Variants in NLRC4 observed in about 807,000 individuals in gnomAD.
The protein encoded by NLRC4 is NLR family CARD domain-containing protein 4.
Under a neutral mutation model 79.9 loss-of-function variants are expected in NLRC4, and 63 were observed. That is an observed-to-expected ratio of 0.79 (90% CI 0.64 to 0.97). The LOEUF is 0.97. Ranked by LOEUF, NLRC4 falls within the 50% of genes least tolerant of loss-of-function variation. NLRC4 has a pLI of 0.00. For missense variants in NLRC4, 1,074 were observed against 1,215.2 expected (o/e 0.88, Z 1.73); for synonymous variants, 461 against 456.5 (o/e 1.01, Z -0.12).
chr2:32,247,579 ATT>A (rs949113455), intron 4 of NLRC4, among the ~76,000 whole-genome samples: 1 of 151,522 alleles, frequency 6.6e-6, no homozygotes, highest in Non-Finnish European at 1.5e-5. Context: ...CTTCCAATAT[ATT>A]TTTTAATAAA....
chr2:32,249,460 G>T, intron 4 of NLRC4, 147 bp downstream of exon 4: 1 of 677,400 alleles, frequency 1.5e-6, no homozygotes, highest in Non-Finnish European at 2.5e-6. Flanking sequence ...GGTCTTGGTT[G>T]GAGGCATGTT....
intron 4 of NLRC4, among the ~76,000 whole-genome samples, chr2:32,248,854 A>G (rs1687000218): frequency 6.6e-6 from 1 of 152,174 alleles, no homozygotes. Context: ...ATTGGTCTCA[A>G]GATAAGCAAT....
chr2:32,260,237 CG>C (rs1266740466), intron 1 of NLRC4, among the ~76,000 whole-genome samples: 2 of 124,152 alleles, frequency 1.6e-5, no homozygotes, highest in Admixed American at 8.0e-5. Flanking sequence ...AAAAAAACAA[CG>C]AAAAAAAAAA....
chr2:32,226,697 A>C (rs1686408683), intron 8 of NLRC4, among the ~76,000 whole-genome samples: 1 of 152,194 alleles, frequency 6.6e-6, no homozygotes, highest in Non-Finnish European at 1.5e-5. Context: ...CCTGACCAAC[A>C]TGGAGAAACC....
chr2:32,236,650 A>C (rs982649886), intron 6 of NLRC4, among the ~76,000 whole-genome samples: 5 of 152,160 alleles, frequency 3.3e-5, no homozygotes, highest in Non-Finnish European at 7.4e-5. Context: ...TGGTCTCTCT[A>C]AGCCTCAATG....
upstream of NLRC4, among the ~76,000 whole-genome samples, chr2:32,265,058 A>C (rs75991814): frequency 6.1e-3 from 923 of 152,248 alleles, 11 homozygotes; most frequent in African/African-American, 0.021. Context: ...CAAGAAAGGA[A>C]TTACTCATTT....
chr2:32,235,046 C>G (rs2148933462), intron 8 of NLRC4, among the ~76,000 whole-genome samples: 1 of 152,226 alleles, frequency 6.6e-6, no homozygotes, highest in Non-Finnish European at 1.5e-5. Flanking sequence ...CTACATTCGC[C>G]TTTATATGTT....
In NLRC4 at chr2:32,241,099, A is replaced by G. The variant is rs370528490; in HGVS notation, c.2284T>C (p.Leu762=). The change falls in exon 5 of 9, where the codon TTG becomes CTG. Residue 762 remains leucine (L), a synonymous_variant. Coordinates refer to ENST00000402280, the MANE Select transcript of NLRC4 (RefSeq NM_001199138.2). The part of the protein sequence containing the change: ...PGGLTDSLGN[L]KNLTKLIMDN... Reference sequence around the variant, plus strand: ...ATTATGAGCTTTGTAAGGTTCTTCAAGTTACCCAAGCTGTCAGTCAGACCA... The same window carrying G: ...ATTATGAGCTTTGTAAGGTTCTTCAGGTTACCCAAGCTGTCAGTCAGACCA... 1.7e-5 allele frequency: 27 copies of G among 1,608,838 alleles called. No individual in the cohort carries two copies. Among genetic ancestry groups the G allele is most frequent in the African/African-American group, 2.7e-5 (2 of 74,682 alleles).
rs747331080 is a variant in NLRC4, at chr2:32,238,179, A to C, written c.2474T>G (p.Ile825Ser). ...AGACAAGCAGCAGGAGACTAATTGA[A>C]TTTCTTCAAGGTCACAGGGTTCACT... ...LSSEPCDLEE[I>S]QLVSCCLSAN... is the part of the protein sequence containing the mutation. Residue 825 changes from isoleucine to serine, a missense_variant, in exon 6 of 9, where the codon ATT (isoleucine) becomes AGT (serine). Physicochemically the swap from Ile to Ser is moderately radical, Grantham distance 142. Transcript: ENST00000402280. The C allele has an allele frequency of 2.0e-5, 33 of 1,613,648 alleles. No individual in the cohort carries two copies. Among genetic ancestry groups the C allele is most frequent in the Non-Finnish European group, 2.7e-5 (32 of 1,179,912 alleles).
rs57570626 is a variant in NLRC4, at chr2:32,259,262, ATTTTTTT to A, written c.-118-2376_-118-2370del. 3.8e-3 allele frequency among the ~76,000 whole-genome samples: 201 copies of A among 52,900 alleles called. 5 individuals are homozygous for A. Among genetic ancestry groups the A allele is most frequent in the African/African-American group, 0.017 (179 of 10,702 alleles). The allele number at this position is 52,900 out of a possible 152,430, so 34.7% of individuals were successfully genotyped here. A position where few individuals can be genotyped will look rare whatever the true frequency, so the allele number is the denominator to read the frequency against. On this transcript the variant is annotated intron_variant, in intron 1 of 8. Coordinates refer to ENST00000402280, the MANE Select transcript of NLRC4 (RefSeq NM_001199138.2). ...AGGTGTGTGCCACCATGCCTGGCTA[ATTTTTTT>A]TTTTTTTTTTTTTTTTTTTTTAGAG...
chr2:32,255,705 C>T (rs762059848), intron 2 of NLRC4, among the ~76,000 whole-genome samples: 1 of 151,884 alleles, frequency 6.6e-6, no homozygotes, highest in Non-Finnish European at 1.5e-5. Context: ...AACTCTCATA[C>T]CCAAAAATGT....
At chr2:32,236,537 G>A (rs1163809082) in intron 6 of NLRC4, among the ~76,000 whole-genome samples, 198 bp from the exon 7 acceptor site, 1 of 152,102 alleles carries the variant, frequency 6.6e-6, no homozygotes, top group Non-Finnish European at 1.5e-5. Flanking sequence ...TGACCAAATG[G>A]GCAAATAGTC....
intron 5 of NLRC4, among the ~76,000 whole-genome samples, chr2:32,239,764 C>T (rs747363953): frequency 1.3e-5 from 2 of 152,072 alleles, no homozygotes; most frequent in Non-Finnish European, 2.9e-5. Context: ...CTCTTTCTAC[C>T]AGTTGGTAAG....
downstream of NLRC4, chr2:32,224,450 T>TA (rs1686311661): frequency 5.8e-6 from 9 of 1,538,862 alleles, no homozygotes; most frequent in African/African-American, 2.8e-5. Context: ...CCAGAGCACT[T>TA]ACTGGCTTCG....
At chr2:32,240,611 A>C (rs1006475708) in intron 5 of NLRC4, among the ~76,000 whole-genome samples, 3 of 151,994 alleles carry the variant, frequency 2.0e-5, no homozygotes, top group African/African-American at 7.3e-5. Context: ...GCTTCCCCCA[A>C]AGTTTTCTTG....
rs778918927 is a variant in NLRC4 at position 32,249,627 on chromosome 2, A to C, written c.2237T>G (p.Leu746Arg). The C allele has an allele frequency of 6.3e-7, 1 of 1,597,550 alleles. No homozygotes were observed. Among genetic ancestry groups the C allele is most frequent in the South Asian group, 1.1e-5 (1 of 88,282 alleles). Residue 746 changes from leucine to arginine, a missense_variant, in exon 4 of 9, where the codon CTA (leucine) becomes CGA (arginine). Transcript: ENST00000402280. ...TNLKTLSIHDLQNQRLPGGLT... is the reference protein window; with the variant it reads ...TNLKTLSIHDRQNQRLPGGLT... ...AATACCCGGCAGCCGTTGATTCTGTAGGTCATGAATACTCAAGGTTTTCAG... is the reference window on the plus strand; with the variant it reads ...AATACCCGGCAGCCGTTGATTCTGTCGGTCATGAATACTCAAGGTTTTCAG...
intron 8 of NLRC4, 62 bp downstream of exon 8, chr2:32,235,339 C>A (rs1272210365): frequency 6.4e-6 from 8 of 1,256,240 alleles, no homozygotes; most frequent in East Asian, 2.4e-5. Context: ...ATAAGCAAAG[C>A]CAACTTAAGA....
intron 3 of NLRC4, among the ~76,000 whole-genome samples, chr2:32,252,108 C>T (rs1043243694): frequency 1.3e-5 from 2 of 152,194 alleles, no homozygotes; most frequent in African/African-American, 4.8e-5. Context: ...TCTCATCCAA[C>T]CAGGGAATGC....
At chr2:32,260,524 T>TAA (rs1687319044) in intron 1 of NLRC4, among the ~76,000 whole-genome samples, 1 of 152,220 alleles carries the variant, frequency 6.6e-6, no homozygotes, top group Admixed American at 6.5e-5. Flanking sequence ...AAGTCCTAGA[T>TAA]AAAGTTTCCT....
Sources: gnomAD v4.1 joint callset for allele counts (sites outside exome capture counted in the v4.1 genomes callset) on GRCh38, gnomAD v4.1.1 for gene constraint, MANE v1.5 for transcripts, NCBI Gene and HGNC (gene_info 2026-07-23, HGNC 2026-07-21) for gene names.